Variants in NTM observed in about 807,000 individuals in gnomAD.
NTM encodes the protein IgLON family member 2.
NTM carries 13 observed loss-of-function variants against 42.1 expected under a neutral mutation model. The observed-to-expected ratio is 0.31, with a 90% confidence interval of 0.20 to 0.49. The LOEUF (loss-of-function observed/expected upper bound fraction) is 0.49, where lower values mean the gene tolerates loss of function less well. Among genes scored for constraint, NTM ranks in the 20% least tolerant of loss-of-function variants. The pLI is 0.99. For missense variants in NTM, 373 were observed against 452.8 expected (o/e 0.82, Z 1.60); for synonymous variants, 187 against 179.2 (o/e 1.04, Z -0.35).
chr11:132,135,731 A>G (rs866288286), intron 2 of NTM, among the ~76,000 whole-genome samples: 6 of 152,238 alleles, frequency 3.9e-5, no homozygotes, highest in African/African-American at 1.4e-4. Flanking sequence ...CCCAGAACCC[A>G]GGGAGCACAC....
chr11:132,243,473 T>G (rs929658153), intron 4 of NTM, among the ~76,000 whole-genome samples: 1 of 152,214 alleles, frequency 6.6e-6, no homozygotes, highest in Non-Finnish European at 1.5e-5. Flanking sequence ...TCTGTGGGGC[T>G]GGCCTGGGAG....
At chr11:131,382,683 C>T (rs924754565) in intron 1 of NTM, among the ~76,000 whole-genome samples, 1 of 152,130 alleles carries the variant, frequency 6.6e-6, no homozygotes, top group Non-Finnish European at 1.5e-5. Context: ...CTTATCGTGG[C>T]ATCCTTCGTT....
intron 4 of NTM, among the ~76,000 whole-genome samples, chr11:132,219,331 C>G (rs754150925): frequency 7.9e-5 from 12 of 152,132 alleles, no homozygotes; most frequent in Non-Finnish European, 1.3e-4. Flanking sequence ...TCTGACTACT[C>G]CTGTCATGCC....
In NTM at chr11:131,858,199, A is replaced by G. The variant is rs893906511; in HGVS notation, c.83-53365A>G. Among the ~76,000 whole-genome samples the G allele has an allele frequency of 2.6e-5, 4 of 152,192 alleles. No homozygotes were observed. The South Asian group carries it at 6.2e-4, about 24-fold the overall frequency. ...CTACACACTCTCTTTTCTTCATGCT[A>G]TACTTTTTCATTTCTTTTCATTGGC... On this transcript the variant is annotated intron_variant, in intron 1 of 8. Transcript: ENST00000683400.
intron 1 of NTM, among the ~76,000 whole-genome samples, chr11:131,789,663 G>GA (rs1244811565): frequency 8.3e-6 from 1 of 120,636 alleles, no homozygotes; most frequent in African/African-American, 3.0e-5. Context: ...AGAAGAAGAA[G>GA]AAGAAAGCAT....
intron 2 of NTM, among the ~76,000 whole-genome samples, chr11:132,082,282 A>C (rs1594466862): frequency 1.3e-5 from 2 of 152,184 alleles, no homozygotes; most frequent in South Asian, 4.2e-4. Flanking sequence ...GGAATTTATT[A>C]AGTGAAAGGA....
At chr11:131,791,567 C>G (rs1233546628) in intron 1 of NTM, among the ~76,000 whole-genome samples, 1 of 152,212 alleles carries the variant, frequency 6.6e-6, no homozygotes, top group African/African-American at 2.4e-5. Context: ...CCTCAGGCTC[C>G]TTCACAATCT....
rs115860685 is a variant in NTM, at chr11:131,376,439, A to G, written c.82+5551A>G. ...GAGATCACAGAATCTCCCCTACTTA[A>G]GTCATATTAGAGAAATGGCCTTTTG... On this transcript the variant is annotated intron_variant, in intron 1 of 8. Coordinates refer to ENST00000683400, the MANE Select transcript of NTM (RefSeq NM_001352005.2). 9.3e-3 allele frequency among the ~76,000 whole-genome samples: 1,421 copies of G among 152,210 alleles called. 19 individuals are homozygous for G. The highest frequency in any genetic ancestry group is 0.032 in the African/African-American group (1,338 of 41,514).
intron 2 of NTM, among the ~76,000 whole-genome samples, chr11:132,104,923 C>A (rs2062103672): frequency 9.5e-6 from 1 of 104,856 alleles, no homozygotes; most frequent in Non-Finnish European, 1.9e-5. Context: ...CTCTCTCTCT[C>A]CATATATACA....
chr11:132,313,706 C>CTCCTTACCCTTTTAT (rs2095344910), intron 6 of NTM, among the ~76,000 whole-genome samples: 1 of 152,162 alleles, frequency 6.6e-6, no homozygotes, highest in Non-Finnish European at 1.5e-5. Flanking sequence ...TAGCAGCTTT[C>CTCCTTACCCTTTTAT]TCCTTACCCT....
At chr11:131,494,413 G>A (rs1955122286) in intron 1 of NTM, among the ~76,000 whole-genome samples, 1 of 152,188 alleles carries the variant, frequency 6.6e-6, no homozygotes, top group Non-Finnish European at 1.5e-5. Flanking sequence ...TGGCATTCTG[G>A]TAGAAGGCTT....
chr11:131,546,553 C>CTG (rs2053971453), intron 1 of NTM: 3 of 152,264 alleles, frequency 2.0e-5, no homozygotes, highest in Non-Finnish European at 4.4e-5. Flanking sequence ...TGCTTACCTT[C>CTG]CTGCACTCCA....
chr11:132,154,643 C>T (rs1011143958), intron 3 of NTM, among the ~76,000 whole-genome samples: 7 of 152,172 alleles, frequency 4.6e-5, no homozygotes, highest in Admixed American at 1.3e-4. Context: ...CTGCAAGAAG[C>T]AGTCCCCAGC....
In NTM at chr11:131,714,182, T is replaced by TTTTA. The variant is rs527530470; in HGVS notation, c.83-197362_83-197359dup. ...AAGCTGCTGATCACCAGCTTCAGATTTTTATTTATTTATTTATTTATTTTA... is the reference window on the plus strand; with the variant it reads ...AAGCTGCTGATCACCAGCTTCAGATTTTTATTTATTTATTTATTTATTTATTTTA... On this transcript the variant is annotated intron_variant, in intron 1 of 8. Coordinates refer to ENST00000683400, the MANE Select transcript of NTM (RefSeq NM_001352005.2). Among the ~76,000 whole-genome samples, 1,348 of 151,898 alleles carry TTTTA rather than the reference T, an allele frequency of 8.9e-3. 23 individuals are homozygous for TTTTA. The highest frequency in any genetic ancestry group is 0.026 in the African/African-American group (1,072 of 41,350).
At chr11:131,880,279 T>C (rs78900888) in intron 1 of NTM, among the ~76,000 whole-genome samples, 4,003 of 152,332 alleles carry the variant, frequency 0.026, 180 homozygotes, top group African/African-American at 0.091. Context: ...TGGTGCTGGC[T>C]CTGGCAGCAG....
chr11:132,028,633 G>A (rs561319794), intron 2 of NTM, among the ~76,000 whole-genome samples: 10 of 152,224 alleles, frequency 6.6e-5, no homozygotes, highest in East Asian at 1.9e-4. Context: ...CCCCTGCGCC[G>A]TGAGCTTCAC....
chr11:132,214,609 G>C (rs2083471034), intron 4 of NTM, among the ~76,000 whole-genome samples: 1 of 152,062 alleles, frequency 6.6e-6, no homozygotes. Flanking sequence ...TTCCCTCCTT[G>C]CAATTGTTTG....
At chr11:131,386,621 A>C (rs1196401655) in intron 1 of NTM, among the ~76,000 whole-genome samples, 1 of 152,246 alleles carries the variant, frequency 6.6e-6, no homozygotes, top group Non-Finnish European at 1.5e-5. Context: ...TATTGCAGGG[A>C]AAATAGTGTG....
intron 1 of NTM, among the ~76,000 whole-genome samples, chr11:131,806,030 T>G (rs2092463451): frequency 1.3e-5 from 2 of 152,220 alleles, no homozygotes; most frequent in Admixed American, 1.3e-4. Context: ...TTGTTTCAAT[T>G]TAGTGTTGTT....
Sources: allele counts gnomAD v4.1 joint callset (sites outside exome capture counted in the v4.1 genomes callset), GRCh38; gene constraint gnomAD v4.1.1; transcripts MANE v1.5; gene names NCBI Gene and HGNC (gene_info 2026-07-23, HGNC 2026-07-21).